TLN2: variants seen among roughly 807,000 people sequenced by gnomAD.
The protein encoded by TLN2 is talin-2.
In TLN2, 118 loss-of-function variants were observed where a neutral mutation model predicts 294.7. The ratio of observed to expected loss-of-function variants is 0.40; its 90% CI spans 0.34 to 0.47. The LOEUF (loss-of-function observed/expected upper bound fraction) is 0.47. Among genes scored for constraint, TLN2 ranks in the 20% least tolerant of loss-of-function variants. The pLI is 0.84. For missense variants in TLN2, 3,083 were observed against 3,282.2 expected (o/e 0.94, Z 1.48); for synonymous variants, 1,431 against 1,304.5 (o/e 1.10, Z -2.09).
chr15:62,731,642 A>G, intron 28 of TLN2, among the ~76,000 whole-genome samples: 1 of 152,160 alleles, frequency 6.6e-6, no homozygotes, highest in Admixed American at 6.5e-5. Context: ...CCCATGAGAT[A>G]TCAAGAAACT....
intron 1 of TLN2, among the ~76,000 whole-genome samples, chr15:62,514,850 T>A (rs2040107372): frequency 6.6e-6 from 1 of 152,166 alleles, no homozygotes; most frequent in Non-Finnish European, 1.5e-5. Context: ...ATTAACAAAC[T>A]GGGAAAATGA....
At chr15:62,704,921 A>G (rs1461752350) in intron 19 of TLN2, among the ~76,000 whole-genome samples, 1 of 152,214 alleles carries the variant, frequency 6.6e-6, no homozygotes, top group Non-Finnish European at 1.5e-5. Flanking sequence ...ACTGGGCTTA[A>G]TTATCTTGAC....
At chr15:62,549,971 A>G (rs1295363247) in intron 1 of TLN2, among the ~76,000 whole-genome samples, 1 of 152,022 alleles carries the variant, frequency 6.6e-6, no homozygotes, top group African/African-American at 2.4e-5. Flanking sequence ...TCTGGGCAAC[A>G]TACTTTAATC....
At chr15:62,598,829 A>G (rs2046764812) in intron 2 of TLN2, among the ~76,000 whole-genome samples, 1 of 151,920 alleles carries the variant, frequency 6.6e-6, no homozygotes, top group Non-Finnish European at 1.5e-5. Flanking sequence ...GGTATTTGTG[A>G]GTTACCTCCT....
intron 54 of TLN2, among the ~76,000 whole-genome samples, chr15:62,825,391 C>G (rs977678215): frequency 6.6e-6 from 1 of 152,088 alleles, no homozygotes; most frequent in African/African-American, 2.4e-5. Context: ...CTTTGGGTGA[C>G]TTTGTCACTG....
At chr15:62,521,348 C>A (rs2040447103) in intron 1 of TLN2, among the ~76,000 whole-genome samples, 1 of 152,142 alleles carries the variant, frequency 6.6e-6, no homozygotes, top group South Asian at 2.1e-4. Context: ...AACCAAAAAA[C>A]CTAACTCTGT....
chr15:62,413,106 G>A (rs1317631396), intron 1 of TLN2, among the ~76,000 whole-genome samples: 1 of 152,136 alleles, frequency 6.6e-6, no homozygotes, highest in Non-Finnish European at 1.5e-5. Flanking sequence ...AATCTTTGCA[G>A]GTAAAATCAA....
rs372151903 is a variant in TLN2 at position 62,766,410 on chromosome 15, G to A, written c.5184G>A (p.Gln1728=). The A allele has an allele frequency of 5.0e-6, 8 of 1,611,336 alleles. No homozygotes were observed. Among genetic ancestry groups the A allele is most frequent in the Non-Finnish European group, 6.8e-6 (8 of 1,177,676 alleles). ...CAGCGGCTCGGGGAGAAGCAGCTCA[G>A]CTGGGACATAAGGTAATGCACACCG... The part of the protein sequence containing the change: ...IATAARGEAA[Q]LGHKVTQLAS... The change falls in exon 41 of 59, where the codon CAG becomes CAA. Residue 1728 remains glutamine (Q), a synonymous_variant. Coordinates refer to ENST00000636159, the MANE Select transcript of TLN2 (RefSeq NM_015059.3).
chr15:62,403,700 C>T lies in TLN2; in HGVS notation c.-238+13015C>T, dbSNP rs779515439. ...TGTCACAATCTGGTTCTCCTACCCC[C>T]GGCTTCTCCAGCTCCATGCTTCTTG... On this transcript the variant is annotated intron_variant, in intron 1 of 58. Coordinates refer to ENST00000636159, the MANE Select transcript of TLN2 (RefSeq NM_015059.3). 1.3e-4 allele frequency among the ~76,000 whole-genome samples: 20 copies of T among 152,308 alleles called. No individual in the cohort carries two copies. In the South Asian group the frequency reaches 2.5e-3, roughly 19 times the overall value.
intron 1 of TLN2, among the ~76,000 whole-genome samples, chr15:62,429,726 C>T (rs1395856396): frequency 6.6e-6 from 1 of 152,108 alleles, no homozygotes; most frequent in Non-Finnish European, 1.5e-5. Context: ...TTGTGAATTG[C>T]TAAAACATCA....
chr15:62,742,753 G>C (rs1420888942), intron 32 of TLN2, among the ~76,000 whole-genome samples: 1 of 152,168 alleles, frequency 6.6e-6, no homozygotes, highest in Non-Finnish European at 1.5e-5. Context: ...GATTGTCTTG[G>C]GATGGAACTG....
At chr15:62,486,332 A>G (rs2038389983) in intron 1 of TLN2, among the ~76,000 whole-genome samples, 1 of 152,098 alleles carries the variant, frequency 6.6e-6, no homozygotes, top group Admixed American at 6.6e-5. Flanking sequence ...TTGCCACTTC[A>G]CACAATAATG....
Position 62,783,721 on chromosome 15 carries a change from C to CTG in TLN2, c.5617-24_5617-23dup, listed in dbSNP as rs61411757. On this transcript the variant is annotated intron_variant, in intron 44 of 58. Transcript: ENST00000636159. ...ACACATGGTTCTCATGCGTTTCTCTCTGTGTGTGTGTGTGTGTGTGTGTGT... is the reference window on the plus strand; with the variant it reads ...ACACATGGTTCTCATGCGTTTCTCTCTGTGTGTGTGTGTGTGTGTGTGTGTGT... 29 of 1,244,872 alleles carry CTG rather than the reference C, an allele frequency of 2.3e-5. No homozygotes were observed. In the African/African-American group the frequency reaches 5.3e-4, roughly 23 times the overall value. 77.1% of individuals were successfully genotyped at this position (1,244,872 alleles called of 1,614,324 possible). A position where few individuals can be genotyped will look rare whatever the true frequency, so the allele number is the denominator to read the frequency against.
At chr15:62,833,733 C>T (rs1304681581) in intron 55 of TLN2, 104 bp downstream of exon 55, 15 of 1,472,894 alleles carry the variant, frequency 1.0e-5, no homozygotes, top group African/African-American at 2.8e-5. Context: ...GAAACACATG[C>T]AGTGCCTTCC....
intron 1 of TLN2, among the ~76,000 whole-genome samples, chr15:62,563,000 G>A (rs770350672): frequency 7.4e-5 from 11 of 149,642 alleles, no homozygotes; most frequent in Admixed American, 6.7e-5. Flanking sequence ...GTTGATTGAT[G>A]GGCATTTGGG....
chr15:62,627,873 G>A (rs1450561133), intron 3 of TLN2, among the ~76,000 whole-genome samples: 2 of 151,880 alleles, frequency 1.3e-5, no homozygotes, highest in African/African-American at 4.8e-5. Context: ...TTCTTTCCAG[G>A]TGGGGCTCAT....
At chr15:62,631,594 ACT>A (rs766957549) in intron 3 of TLN2, among the ~76,000 whole-genome samples, 62 of 74,206 alleles carry the variant, frequency 8.4e-4, no homozygotes, top group African/African-American at 1.8e-3. Flanking sequence ...CTCTTCTTTC[ACT>A]CTCTCTCTCT....
chr15:62,441,730 A>G (rs957896672), intron 1 of TLN2, among the ~76,000 whole-genome samples: 1 of 152,170 alleles, frequency 6.6e-6, no homozygotes, highest in African/African-American at 2.4e-5. Context: ...ACTGCTGGGA[A>G]AGGGAGAGGG....
intron 1 of TLN2, among the ~76,000 whole-genome samples, chr15:62,400,750 C>T (rs540982558): frequency 8.1e-4 from 122 of 150,734 alleles, no homozygotes; most frequent in South Asian, 1.3e-3. Context: ...GGAAATTAAG[C>T]GCAGTAGCCA....
Sources: allele counts gnomAD v4.1 joint callset (sites outside exome capture counted in the v4.1 genomes callset), GRCh38; gene constraint gnomAD v4.1.1; transcripts MANE v1.5; gene names NCBI Gene and HGNC (gene_info 2026-07-23, HGNC 2026-07-21).